SOX6: variants seen among roughly 807,000 people sequenced by gnomAD.
The protein encoded by SOX6 is transcription factor SOX-6.
In SOX6, 11 loss-of-function variants were observed where a neutral mutation model predicts 97.8. That is an observed-to-expected ratio of 0.11 (90% confidence interval 0.07 to 0.19). The LOEUF (loss-of-function observed/expected upper bound fraction) is 0.19, where lower values mean the gene tolerates loss of function less well. Among genes scored for constraint, SOX6 ranks in the 10% least tolerant of loss-of-function variants. The pLI, the probability that SOX6 is intolerant of heterozygous loss-of-function variation, is 1.00. For synonymous variants in SOX6, 360 were observed against 371.4 expected, an observed-to-expected ratio of 0.97 and a Z score of 0.35; for missense variants, 810 against 1,039.5, an observed-to-expected ratio of 0.78 and a Z score of 3.04.
intron 5 of SOX6, 129 bp from the exon 6 acceptor site, chr11:16,184,083 G>A (rs1284516081): frequency 1.2e-6 from 1 of 834,080 alleles, no homozygotes; most frequent in Admixed American, 2.1e-5. Context: ...TATAAAATGA[G>A]AGAGGCCAAA....
chr11:16,075,501 T>G (rs1020797571), intron 9 of SOX6, among the ~76,000 whole-genome samples: 2 of 152,196 alleles, frequency 1.3e-5, no homozygotes, highest in African/African-American at 4.8e-5. Flanking sequence ...TTCACATTCT[T>G]TGCAGGGACA....
At chr11:16,549,463 G>C (rs73417110) in intron 4 of SOX6, among the ~76,000 whole-genome samples, 1 of 152,076 alleles carries the variant, frequency 6.6e-6, no homozygotes, top group African/African-American at 2.4e-5. Context: ...ACAATACCAA[G>C]TGCTGGTAAT....
intron 3 of SOX6, among the ~76,000 whole-genome samples, chr11:16,709,425 C>T (rs11827809): frequency 0.023 from 3,536 of 151,906 alleles, 144 homozygotes; most frequent in African/African-American, 0.081. Context: ...CGCTGAGGCA[C>T]GAGAATCACT....
chr11:16,688,685 C>A (rs1847987789), intron 3 of SOX6, among the ~76,000 whole-genome samples: 1 of 152,134 alleles, frequency 6.6e-6, no homozygotes, highest in South Asian at 2.1e-4. Flanking sequence ...ATATAGAATA[C>A]CATCATAACT....
intron 4 of SOX6, among the ~76,000 whole-genome samples, chr11:16,558,023 A>G (rs1847767893): frequency 6.6e-6 from 1 of 151,932 alleles, no homozygotes; most frequent in Admixed American, 6.6e-5. Context: ...CCAAACATCT[A>G]AAATATTTTT....
chr11:15,990,976 T>C (rs1386071541), intron 13 of SOX6, among the ~76,000 whole-genome samples: 2 of 152,182 alleles, frequency 1.3e-5, no homozygotes, highest in East Asian at 3.9e-4. Flanking sequence ...TAGTGCACTA[T>C]TATTTAGCAA....
intron 13 of SOX6, among the ~76,000 whole-genome samples, chr11:16,007,328 A>G (rs1334406595): frequency 1.3e-5 from 2 of 152,092 alleles, no homozygotes; most frequent in Admixed American, 1.3e-4. Flanking sequence ...AAACATAGAC[A>G]GGGTACAGAA....
intron 3 of SOX6, among the ~76,000 whole-genome samples, chr11:16,704,611 C>T (rs1330554315): frequency 6.6e-6 from 1 of 152,128 alleles, no homozygotes; most frequent in Non-Finnish European, 1.5e-5. Context: ...ATGAATAAAG[C>T]TTAGTGAAGT....
chr11:16,591,923 G>C (rs1049072061), intron 4 of SOX6, among the ~76,000 whole-genome samples: 1 of 152,060 alleles, frequency 6.6e-6, no homozygotes, highest in Admixed American at 6.6e-5. Flanking sequence ...AATAAACTTA[G>C]AATCAGATCT....
At chr11:16,489,053 T>C (rs1860475277) in intron 4 of SOX6, among the ~76,000 whole-genome samples, 1 of 152,094 alleles carries the variant, frequency 6.6e-6, no homozygotes, top group African/African-American at 2.4e-5. Flanking sequence ...TCACACACTT[T>C]TTAAAAAATA....
chr11:16,602,049 G>A (rs1226663362), intron 4 of SOX6, among the ~76,000 whole-genome samples: 1 of 152,098 alleles, frequency 6.6e-6, no homozygotes, highest in Admixed American at 6.6e-5. Context: ...TCAGCTTAAG[G>A]TATAGGTACT....
At chr11:16,446,090 A>C (rs1859604984) in intron 1 of SOX6, among the ~76,000 whole-genome samples, 2 of 152,124 alleles carry the variant, frequency 1.3e-5, no homozygotes, top group Admixed American at 6.5e-5. Context: ...TTAATGAGCC[A>C]AAACAAGGTC....
intron 3 of SOX6, among the ~76,000 whole-genome samples, chr11:16,637,669 C>T (rs1848811183): frequency 6.6e-6 from 1 of 152,052 alleles, no homozygotes; most frequent in South Asian, 2.1e-4. Flanking sequence ...GAATAAGATG[C>T]CTTATTTCCT....
intron 1 of SOX6, among the ~76,000 whole-genome samples, chr11:16,428,911 T>A (rs1352937501): frequency 6.6e-6 from 1 of 152,220 alleles, no homozygotes; most frequent in Non-Finnish European, 1.5e-5. Context: ...ATAAATTACC[T>A]TGGGCGGCAT....
At chr11:16,060,450 A>C (rs2133927530) in intron 9 of SOX6, among the ~76,000 whole-genome samples, 1 of 152,040 alleles carries the variant, frequency 6.6e-6, no homozygotes, top group African/African-American at 2.4e-5. Context: ...GTAGGATATC[A>C]GGTAAGATTT....
intron 3 of SOX6, among the ~76,000 whole-genome samples, chr11:16,653,752 C>G (rs1379946663): frequency 6.6e-6 from 1 of 151,944 alleles, no homozygotes; most frequent in Admixed American, 6.6e-5. Flanking sequence ...AAGGCATGTT[C>G]CCCAAAAATT....
intron 1 of SOX6, among the ~76,000 whole-genome samples, chr11:16,365,246 G>A (rs1276988498): frequency 6.6e-6 from 1 of 151,378 alleles, no homozygotes; most frequent in Admixed American, 6.6e-5. Context: ...ATCCACTGAG[G>A]GTCTTGAAAC....
At chr11:16,286,880 A>G (rs1002757070) in intron 3 of SOX6, among the ~76,000 whole-genome samples, 1 of 152,110 alleles carries the variant, frequency 6.6e-6, no homozygotes, top group Non-Finnish European at 1.5e-5. Flanking sequence ...CAGATGAAAT[A>G]TTTATGATTG....
chr11:16,280,413 T>C (rs1339239425), intron 3 of SOX6, among the ~76,000 whole-genome samples: 1 of 151,782 alleles, frequency 6.6e-6, no homozygotes, highest in Admixed American at 6.6e-5. Context: ...TGCATGACTT[T>C]CACTTTCTAG....
Sources: gnomAD v4.1 joint callset for allele counts (sites outside exome capture counted in the v4.1 genomes callset) on GRCh38, gnomAD v4.1.1 for gene constraint, MANE v1.5 for transcripts, NCBI Gene and HGNC (gene_info 2026-07-23, HGNC 2026-07-21) for gene names.